Variants in ERI1 observed in about 807,000 individuals in gnomAD.
ERI1 encodes exoribonuclease 1, also known as 3'-5' exoribonuclease 1.
In ERI1, 39 loss-of-function variants were observed where a neutral mutation model predicts 39.7. The observed-to-expected ratio is 0.98, with a 90% CI of 0.76 to 1.28. The LOEUF is 1.28. Ranked by LOEUF, ERI1 falls within the 50% of genes most tolerant of loss-of-function variation. ERI1 has a pLI of 0.00. For synonymous variants in ERI1, 204 were observed against 149.6 expected (o/e 1.36, Z -2.65); for missense variants, 581 against 416.9 (o/e 1.39, Z -3.43).
chr8:9,065,459 G>T (rs1475647073), intron 3 of ERI1, among the ~76,000 whole-genome samples: 1 of 152,120 alleles, frequency 6.6e-6, no homozygotes, highest in East Asian at 1.9e-4. Context: ...ACTTTGGGAG[G>T]CTGAGGCAGG....
chr8:9,021,706 A>G (rs1314073774), intron 6 of ERI1, among the ~76,000 whole-genome samples: 2 of 148,568 alleles, frequency 1.3e-5, no homozygotes, highest in Admixed American at 6.7e-5. Flanking sequence ...TCCTTATATT[A>G]TATAGTTTTG....
Position 9,030,130 on chromosome 8 carries a change from A to T in ERI1, c.*96A>T. 1 of 1,459,594 alleles carries T rather than the reference A, an allele frequency of 6.9e-7. No homozygotes were observed. Among genetic ancestry groups the T allele is most frequent in the South Asian group, 1.2e-5 (1 of 80,024 alleles). The allele number at this position is 1,459,594 out of a possible 1,614,324, so 90.4% of individuals were successfully genotyped here. On this transcript the variant is annotated 3_prime_UTR_variant, in exon 7 of 7. Transcript: ENST00000250263. The stretch of plus-strand genomic sequence containing the variant: ...TAGTCCTGTAGTGCAAACTTTAAGC[A>T]CCTTAAAACATTTAAAATCTTATTA...
At chr8:9,046,160 AGCC>A (rs2117359353) in intron 3 of ERI1, among the ~76,000 whole-genome samples, 1 of 152,338 alleles carries the variant, frequency 6.6e-6, no homozygotes, top group South Asian at 2.1e-4. Context: ...CTGGGCCATC[AGCC>A]ATCGCCATTG....
intron 5 of ERI1, among the ~76,000 whole-genome samples, chr8:9,019,363 A>T (rs376893268): frequency 6.6e-6 from 1 of 152,240 alleles, no homozygotes; most frequent in Non-Finnish European, 1.5e-5. Flanking sequence ...TAATCACATC[A>T]TAACTGTTAA....
At chr8:9,099,312 T>C (rs1457760580) in intron 3 of ERI1, among the ~76,000 whole-genome samples, 1 of 151,642 alleles carries the variant, frequency 6.6e-6, no homozygotes, top group Non-Finnish European at 1.5e-5. Flanking sequence ...GTATAAATCA[T>C]CATACAGGGC....
At chr8:9,035,039 G>C (rs1345208638), downstream of ERI1, among the ~76,000 whole-genome samples, 1 of 152,226 alleles carries the variant, frequency 6.6e-6, no homozygotes, top group Non-Finnish European at 1.5e-5. Flanking sequence ...TTCTGTGAGG[G>C]TTGAGGGAGG....
At chr8:9,058,919 C>T (rs947650199) in intron 3 of ERI1, among the ~76,000 whole-genome samples, 2 of 152,078 alleles carry the variant, frequency 1.3e-5, no homozygotes, top group East Asian at 1.9e-4. Flanking sequence ...AACTTTCATG[C>T]GCGTCCGTGT....
chr8:9,018,476 T>C (rs1417346321), intron 5 of ERI1, 70 bp downstream of exon 5: 1 of 882,028 alleles, frequency 1.1e-6, no homozygotes, highest in Non-Finnish European at 1.7e-6. Context: ...ATTTATCTGA[T>C]TTTTAGAATA....
intron 3 of ERI1, 24 bp downstream of exon 3, chr8:9,011,776 T>C: frequency 6.5e-7 from 1 of 1,539,908 alleles, no homozygotes; most frequent in African/African-American, 1.4e-5. Flanking sequence ...TGTATTTTAA[T>C]TGTATTTCTA....
rs796295481 is a variant in ERI1 at position 9,029,690 on chromosome 8, C to T, written c.808-102C>T. The T allele has an allele frequency of 1.5e-5, 20 of 1,369,836 alleles. No individual in the cohort carries two copies. The African/African-American group carries it at 2.9e-4, about 20-fold the overall frequency. 84.9% of individuals were successfully genotyped at this position (1,369,836 alleles called of 1,614,324 possible). A position where few individuals can be genotyped will look rare whatever the true frequency, so the allele number is the denominator to read the frequency against. The stretch of plus-strand genomic sequence containing the variant: ...TTGCCCTTTGCCTAGCTTTATTTAG[C>T]TGTTAGTGCTAATTTTCAGTTTCTT... On this transcript the variant is annotated intron_variant, in intron 6 of 6. Coordinates refer to ENST00000250263, the MANE Select transcript of ERI1 (RefSeq NM_153332.4).
intron 6 of ERI1, among the ~76,000 whole-genome samples, chr8:9,023,756 G>C (rs922327486): frequency 6.9e-6 from 1 of 144,586 alleles, no homozygotes; most frequent in African/African-American, 2.6e-5. Context: ...ATATTATATG[G>C]TATGTCTAAA....
At chr8:9,089,483 T>C (rs188358019) in intron 3 of ERI1, among the ~76,000 whole-genome samples, 113 of 152,300 alleles carry the variant, frequency 7.4e-4, no homozygotes, top group Admixed American at 2.9e-3. Flanking sequence ...TTGCAAAGTA[T>C]GTTCCATAGA....
At chr8:9,033,641 C>G (rs1253608502), downstream of ERI1, among the ~76,000 whole-genome samples, 1 of 152,198 alleles carries the variant, frequency 6.6e-6, no homozygotes, top group Non-Finnish European at 1.5e-5. Flanking sequence ...TAGTAAGAAT[C>G]TGGTGATGGA....
intron 6 of ERI1, among the ~76,000 whole-genome samples, chr8:9,024,802 C>G (rs1032149753): frequency 3.3e-5 from 5 of 152,106 alleles, no homozygotes; most frequent in Non-Finnish European, 5.9e-5. Context: ...AAATACACCT[C>G]TTGACTGTAA....
At position 9,062,706 on chromosome 8, in the gene ERI1, C is replaced by T. The variant is rs191218493; in HGVS notation, n.299+42242C>T. 9 of 151,624 alleles carry T rather than the reference C, an allele frequency of 5.9e-5. No individual in the cohort carries two copies. In the East Asian group the frequency reaches 1.8e-3, roughly 29 times the overall value. The allele number at this position is 151,624 out of a possible 1,614,324, so 9.4% of individuals were successfully genotyped here. On this transcript the variant is annotated intron_variant and non_coding_transcript_variant, in intron 3 of 3. Transcript: ENST00000518663. ...ATCCGGCAGTGTCAGTCTACAGCCG[C>T]TAAGCTGAGAAGATCTGGGAAGGAG...
intron 2 of ERI1, among the ~76,000 whole-genome samples, 192 bp downstream of exon 2, chr8:9,008,340 A>C (rs1485963851): frequency 6.6e-6 from 1 of 152,268 alleles, no homozygotes; most frequent in East Asian, 1.9e-4. Context: ...AGATGATAGG[A>C]CTGCTGAATC....
intron 3 of ERI1, among the ~76,000 whole-genome samples, chr8:9,015,490 A>C (rs1481380133): frequency 6.6e-6 from 1 of 152,076 alleles, no homozygotes; most frequent in East Asian, 1.9e-4. Context: ...AGTTGTGAGC[A>C]TAAAATAAGA....
At chr8:9,056,516 T>A (rs1272270732) in intron 3 of ERI1, among the ~76,000 whole-genome samples, 1 of 120,444 alleles carries the variant, frequency 8.3e-6, no homozygotes, top group Non-Finnish European at 1.9e-5. Flanking sequence ...GTAAGTAAAA[T>A]ATTTGTCCAA....
intron 3 of ERI1, among the ~76,000 whole-genome samples, chr8:9,050,864 G>A (rs1798334495): frequency 6.6e-6 from 1 of 152,108 alleles, no homozygotes; most frequent in Non-Finnish European, 1.5e-5. Flanking sequence ...GGGGACCAAA[G>A]AGATAATAAG....
Sources: gnomAD v4.1 joint callset for allele counts (sites outside exome capture counted in the v4.1 genomes callset) on GRCh38, gnomAD v4.1.1 for gene constraint, MANE v1.5 for transcripts, NCBI Gene and HGNC (gene_info 2026-07-23, HGNC 2026-07-21) for gene names.